ANGPT1: variants seen among roughly 807,000 people sequenced by gnomAD.
ANGPT1 encodes the protein angiopoietin 1.
Under a neutral mutation model 62.2 loss-of-function variants are expected in ANGPT1, and 17 were observed. The ratio of observed to expected loss-of-function variants is 0.27; its 90% CI spans 0.19 to 0.41. The LOEUF is 0.41. ANGPT1 is among the 10% of genes least tolerant of loss of function. ANGPT1 has a pLI of 1.00. For missense variants in ANGPT1, 478 were observed against 594.9 expected (o/e 0.80, Z 2.04); for synonymous variants, 199 against 198.9 (o/e 1.00, Z 0.00).
intron 1 of ANGPT1, among the ~76,000 whole-genome samples, chr8:107,408,506 T>C (rs1817195569): frequency 2.2e-5 from 1 of 45,246 alleles, no homozygotes; most frequent in South Asian, 1.2e-3. Flanking sequence ...AAAAACAAAG[T>C]AGGAGATAGG....
Position 107,370,338 on chromosome 8 carries a change from G to GAAAGAAAGAAAGAAAGAAAGAAAGAA in ANGPT1, c.298-23242_298-23241insTTCTTTCTTTCTTTCTTTCTTTCTTT, listed in dbSNP as rs1563590839. Reference sequence around the variant, plus strand: ...AGGAAGGAAAGAGAAAGGAAAGAAAGAAAAAGAAAGAAAGAAAGAAAGAAA... The same window carrying GAAAGAAAGAAAGAAAGAAAGAAAGAA: ...AGGAAGGAAAGAGAAAGGAAAGAAAGAAAGAAAGAAAGAAAGAAAGAAAGAAAAAAAGAAAGAAAGAAAGAAAGAAA... On this transcript the variant is annotated intron_variant, in intron 1 of 8. Transcript: ENST00000517746. 2.3e-3 allele frequency among the ~76,000 whole-genome samples: 79 copies of GAAAGAAAGAAAGAAAGAAAGAAAGAA among 33,792 alleles called. 5 individuals carry two copies. Among genetic ancestry groups the GAAAGAAAGAAAGAAAGAAAGAAAGAA allele is most frequent in the African/African-American group, 5.1e-3 (61 of 11,926 alleles). The allele number at this position is 33,792 out of a possible 152,430, so 22.2% of individuals were successfully genotyped here. A position where few individuals can be genotyped will look rare whatever the true frequency, so the allele number is the denominator to read the frequency against.
intron 2 of ANGPT1, among the ~76,000 whole-genome samples, chr8:107,342,102 C>G (rs1815708296): frequency 1.3e-5 from 2 of 152,174 alleles, no homozygotes; most frequent in South Asian, 2.1e-4. Flanking sequence ...AAAACATTCA[C>G]TCAGTGTTCT....
intron 2 of ANGPT1, among the ~76,000 whole-genome samples, chr8:107,342,782 T>TACACACACACACACACAC (rs751210643): frequency 1.4e-5 from 2 of 138,556 alleles, no homozygotes; most frequent in East Asian, 2.2e-4. Flanking sequence ...AACTGCCTAA[T>TACACACACACACACACAC]ACACACACAC....
intron 1 of ANGPT1, among the ~76,000 whole-genome samples, chr8:107,439,293 C>G (rs935748971): frequency 6.6e-6 from 1 of 152,182 alleles, no homozygotes; most frequent in Non-Finnish European, 1.5e-5. Flanking sequence ...TTAACTTCTT[C>G]TAACCTTATT....
intron 4 of ANGPT1, among the ~76,000 whole-genome samples, chr8:107,311,797 G>A (rs746207488): frequency 6.5e-4 from 99 of 152,300 alleles, no homozygotes; most frequent in Non-Finnish European, 1.0e-3. Context: ...GGGTGCGGTG[G>A]CTCACGCCTG....
chr8:107,421,264 T>A (rs1810889012), intron 1 of ANGPT1, among the ~76,000 whole-genome samples: 1 of 152,164 alleles, frequency 6.6e-6, no homozygotes, highest in Admixed American at 6.5e-5. Context: ...GAGTGAAAAA[T>A]TGTCTTGTCT....
chr8:107,261,367 G>A (rs1813486104), intron 8 of ANGPT1, among the ~76,000 whole-genome samples: 1 of 152,016 alleles, frequency 6.6e-6, no homozygotes, highest in South Asian at 2.1e-4. Flanking sequence ...TTTAATATTT[G>A]ATGATGTTAA....
chr8:107,467,384 A>G (rs780033401), intron 1 of ANGPT1, among the ~76,000 whole-genome samples: 1 of 151,920 alleles, frequency 6.6e-6, no homozygotes, highest in Non-Finnish European at 1.5e-5. Flanking sequence ...ATGGGCTTGA[A>G]CAATGAGCCC....
chr8:107,286,580 T>C (rs1814146789), intron 6 of ANGPT1, among the ~76,000 whole-genome samples: 1 of 152,130 alleles, frequency 6.6e-6, no homozygotes. Context: ...ATGTGATGTA[T>C]ACTGTTATAT....
chr8:107,303,309 T>A lies in ANGPT1; in HGVS notation c.867A>T (p.Val289=). ...CACTTTTATTAAAACCAGCTTGATA[T>A]ACATCTGCACAGTCTCTAAATGGTT... The part of the protein sequence containing the change: ...EEKPFRDCAD[V]YQAGFNKSGI... Residue 289 remains valine (V), a synonymous_variant, in exon 5 of 9, where the codon GTA becomes GTT. Transcript: ENST00000517746. The A allele has an allele frequency of 6.2e-7, 1 of 1,605,062 alleles. No homozygotes were observed. The highest frequency in any genetic ancestry group is 8.5e-7 in the Non-Finnish European group (1 of 1,173,670).
At position 107,382,592 on chromosome 8, in the gene ANGPT1, C is replaced by A. The variant is rs141225693; in HGVS notation, c.298-35495G>T. Among the ~76,000 whole-genome samples the A allele has an allele frequency of 9.5e-3, 1,452 of 152,150 alleles. 11 individuals carry two copies. The highest frequency in any genetic ancestry group is 0.015 in the Non-Finnish European group (988 of 68,008). ...CCATTTTCCATGGCATAAATACTTC[C>A]CACACAGTAGACTTCAAGCTACCAA... On this transcript the variant is annotated intron_variant, in intron 1 of 8. Transcript: ENST00000517746.
intron 1 of ANGPT1, among the ~76,000 whole-genome samples, chr8:107,456,153 G>C (rs528182911): frequency 3.7e-4 from 56 of 152,164 alleles, no homozygotes; most frequent in South Asian, 2.5e-3. Flanking sequence ...AATGTCCTTT[G>C]TGTTGTTATG....
chr8:107,431,149 C>T (rs1388389557), intron 1 of ANGPT1, among the ~76,000 whole-genome samples: 4 of 152,114 alleles, frequency 2.6e-5, no homozygotes, highest in East Asian at 3.9e-4. Flanking sequence ...TAAGGTAGTG[C>T]ATGTGTGTGT....
intron 1 of ANGPT1, among the ~76,000 whole-genome samples, chr8:107,493,229 G>T (rs184301850): frequency 6.6e-6 from 1 of 150,424 alleles, no homozygotes; most frequent in Admixed American, 6.7e-5. Context: ...TCACAGTCTA[G>T]GTGGGAAAAC....
intron 7 of ANGPT1, among the ~76,000 whole-genome samples, chr8:107,280,900 T>TATGAAGACTAAAGA (rs1224551510): frequency 2.0e-5 from 3 of 152,138 alleles, no homozygotes; most frequent in Non-Finnish European, 4.4e-5. Flanking sequence ...GCAGGAAGGT[T>TATGAAGACTAAAGA]CTATAATTGC....
At chr8:107,359,112 T>C (rs1303436989) in intron 1 of ANGPT1, among the ~76,000 whole-genome samples, 1 of 152,208 alleles carries the variant, frequency 6.6e-6, no homozygotes, top group African/African-American at 2.4e-5. Context: ...GACTTAGATA[T>C]ATTAACAGTA....
At chr8:107,491,599 C>T (rs940749247) in intron 1 of ANGPT1, among the ~76,000 whole-genome samples, 12 of 152,076 alleles carry the variant, frequency 7.9e-5, no homozygotes, top group Non-Finnish European at 1.5e-5. Flanking sequence ...GCTGAGTAAA[C>T]AGCTTGTAAA....
chr8:107,285,839 GC>G (rs1814127906), intron 6 of ANGPT1, among the ~76,000 whole-genome samples: 2 of 151,882 alleles, frequency 1.3e-5, no homozygotes, highest in African/African-American at 4.8e-5. Context: ...TGTTTCACTG[GC>G]CATGTTGTGA....
At chr8:107,429,939 T>C (rs1055747417) in intron 1 of ANGPT1, among the ~76,000 whole-genome samples, 4 of 120,962 alleles carry the variant, frequency 3.3e-5, no homozygotes, top group African/African-American at 5.3e-5. Flanking sequence ...GGTCAATAAA[T>C]GGGTAACATT....
Sources: allele counts gnomAD v4.1 joint callset (sites outside exome capture counted in the v4.1 genomes callset), GRCh38; gene constraint gnomAD v4.1.1; transcripts MANE v1.5; gene names NCBI Gene and HGNC (gene_info 2026-07-23, HGNC 2026-07-21).